TGS1: variants seen among roughly 807,000 people sequenced by gnomAD.
The protein encoded by TGS1 is trimethylguanosine synthase 1, also known as trimethylguanosine synthase.
A neutral mutation model predicts 92.2 loss-of-function variants in TGS1; 69 were observed. The observed-to-expected ratio is 0.75, with a 90% CI of 0.62 to 0.91. The LOEUF (loss-of-function observed/expected upper bound fraction) is 0.91, where lower values mean the gene tolerates loss of function less well. Ranked by LOEUF, TGS1 falls within the 40% of genes least tolerant of loss-of-function variation. TGS1 has a pLI of 0.00. For synonymous variants in TGS1, 345 were observed against 338.1 expected (o/e 1.02, Z -0.22); for missense variants, 1,062 against 1,001.2 (o/e 1.06, Z -0.82).
intron 12 of TGS1, among the ~76,000 whole-genome samples, chr8:55,821,762 A>C (rs2130261490): frequency 6.6e-6 from 1 of 151,822 alleles, no homozygotes; most frequent in South Asian, 2.1e-4. Flanking sequence ...AGTCCCAGCT[A>C]CTCGGGAGGC....
At chr8:55,773,879 G>C (rs962436335) in intron 1 of TGS1, among the ~76,000 whole-genome samples, 160 bp downstream of exon 1, 2 of 152,228 alleles carry the variant, frequency 1.3e-5, no homozygotes, top group African/African-American at 4.8e-5. Context: ...ACATGACGGA[G>C]TGGTCGCCCA....
intron 12 of TGS1, among the ~76,000 whole-genome samples, chr8:55,820,812 C>CT (rs1469777800): frequency 1.4e-4 from 22 of 152,278 alleles, no homozygotes; most frequent in Middle Eastern, 6.8e-3. Context: ...AGCTGCTAAT[C>CT]TTTATCTGTT....
intron 1 of TGS1, among the ~76,000 whole-genome samples, chr8:55,781,169 A>G (rs1214890936): frequency 6.6e-6 from 1 of 152,182 alleles, no homozygotes; most frequent in Non-Finnish European, 1.5e-5. Flanking sequence ...GTGTCTGTGT[A>G]TATATACACA....
Position 55,786,796 on chromosome 8 carries a change from A to G in TGS1, c.898A>G (p.Ile300Val), listed in dbSNP as rs1269399813. ...VDLVSFPSSP[I>V]MVDNDSSGTS... ...CTTAGTATCTTTTCCATCTTCACCTATTATGGTTGATAATGATAGCTCTGG... is the reference window on the plus strand; with the variant it reads ...CTTAGTATCTTTTCCATCTTCACCTGTTATGGTTGATAATGATAGCTCTGG... The change falls in exon 4 of 13, where the codon ATT (isoleucine) becomes GTT (valine). Residue 300 changes from isoleucine to valine, a missense_variant. By Grantham distance (29) the Ile-to-Val change is conservative. Coordinates refer to ENST00000260129, the MANE Select transcript of TGS1 (RefSeq NM_024831.8). 5 of 1,614,038 alleles carry G rather than the reference A, an allele frequency of 3.1e-6. No homozygotes were observed. The highest frequency in any genetic ancestry group is 2.7e-5 in the African/African-American group (2 of 74,942).
intron 2 of TGS1, among the ~76,000 whole-genome samples, chr8:55,783,634 C>G (rs1466206060): frequency 6.6e-6 from 1 of 152,204 alleles, no homozygotes; most frequent in East Asian, 1.9e-4. Flanking sequence ...ATGTCTCAAA[C>G]TTCCCTACTG....
rs116762751 is a variant in TGS1, at chr8:55,790,048, G to A, written c.1163-134G>A. On this transcript the variant is annotated intron_variant, in intron 4 of 12. Transcript: ENST00000260129. ...TGCATGTAGACACAAACAGGTAGAT[G>A]TGAGCTGGCACTTTGATGCACATGT... The A allele has an allele frequency of 3.6e-4, 238 of 654,594 alleles. No individual in the cohort carries two copies. In the African/African-American group the frequency reaches 4.0e-3, roughly 11 times the overall value. 40.5% of individuals were successfully genotyped at this position (654,594 alleles called of 1,614,324 possible).
At chr8:55,802,306 G>A (rs1037569104) in intron 8 of TGS1, 151 bp from the exon 9 acceptor site, 93 of 600,714 alleles carry the variant, frequency 1.5e-4, no homozygotes, top group Non-Finnish European at 2.5e-4. Flanking sequence ...AGCCAGTGGC[G>A]TTTCCATCAG....
intron 12 of TGS1, among the ~76,000 whole-genome samples, chr8:55,818,017 G>A (rs1803531611): frequency 6.6e-6 from 1 of 152,200 alleles, no homozygotes; most frequent in Admixed American, 6.5e-5. Flanking sequence ...TGAAGGCTAT[G>A]GAGGTATGGT....
chr8:55,811,128 AAAC>A (rs778099711), intron 11 of TGS1, 31 bp downstream of exon 11: 1 of 1,525,350 alleles, frequency 6.6e-7, no homozygotes, highest in Non-Finnish European at 9.0e-7. Flanking sequence ...GAGTTTACTG[AAAC>A]AATGATTGTG....
intron 1 of TGS1, among the ~76,000 whole-genome samples, chr8:55,776,223 T>C (rs1811392953): frequency 6.6e-6 from 1 of 150,914 alleles, no homozygotes; most frequent in South Asian, 2.1e-4. Context: ...GACTGGGGGC[T>C]GCGTACACCA....
intron 9 of TGS1, among the ~76,000 whole-genome samples, chr8:55,803,442 A>C (rs377576275): frequency 6.6e-6 from 1 of 152,162 alleles, no homozygotes; most frequent in African/African-American, 2.4e-5. Flanking sequence ...TTGATCTATG[A>C]TGGAATTTCA....
At position 55,796,198 on chromosome 8, in the gene TGS1, G is replaced by T. The variant is rs199700942; in HGVS notation, c.1542+46G>T. 9.9e-5 allele frequency: 142 copies of T among 1,436,514 alleles called. 1 individual carries two copies. The Middle Eastern group carries it at 1.2e-3, about 12-fold the overall frequency. The allele number at this position is 1,436,514 out of a possible 1,614,324, so 89.0% of individuals were successfully genotyped here. On this transcript the variant is annotated intron_variant, in intron 7 of 12. Coordinates refer to ENST00000260129, the MANE Select transcript of TGS1 (RefSeq NM_024831.8). The stretch of plus-strand genomic sequence containing the variant: ...ATATTTGTAGATAGAATCATGTTTT[G>T]TAAGTTTGACCTCTTAAAATTGTTG...
intron 12 of TGS1, among the ~76,000 whole-genome samples, chr8:55,818,323 C>T (rs993767449): frequency 1.4e-4 from 21 of 152,152 alleles, no homozygotes; most frequent in African/African-American, 5.1e-4. Flanking sequence ...AGGTGTGCAC[C>T]ACCACACCCA....
chr8:55,804,082 C>T (rs1812295127), intron 9 of TGS1, among the ~76,000 whole-genome samples: 1 of 152,170 alleles, frequency 6.6e-6, no homozygotes, highest in Admixed American at 6.5e-5. Flanking sequence ...TGCTATTCCT[C>T]CTGTACTTCT....
intron 2 of TGS1, among the ~76,000 whole-genome samples, chr8:55,784,257 T>C (rs1295217520): frequency 1.3e-5 from 2 of 152,226 alleles, no homozygotes; most frequent in African/African-American, 2.4e-5. Flanking sequence ...ATAACCATAT[T>C]GGTGTAAAGT....
chr8:55,779,370 C>T (rs1168332833), intron 1 of TGS1, among the ~76,000 whole-genome samples: 1 of 152,172 alleles, frequency 6.6e-6, no homozygotes, highest in Non-Finnish European at 1.5e-5. Context: ...TTGGAACATA[C>T]GGTAATAACC....
intron 1 of TGS1, 38 bp from the exon 2 acceptor site, chr8:55,782,710 A>T: frequency 6.6e-7 from 1 of 1,506,450 alleles, no homozygotes; most frequent in Non-Finnish European, 9.0e-7. Flanking sequence ...CTGATGGCTT[A>T]ATTCATTTCA....
rs779523037 is a variant in TGS1, at chr8:55,799,007, A to C, written c.1636A>C (p.Ser546Arg). The change falls in exon 8 of 13, where the codon AGT becomes CGT. Residue 546 changes from serine (S) to arginine (R), a missense_variant. Coordinates refer to ENST00000260129, the MANE Select transcript of TGS1 (RefSeq NM_024831.8). ...SHDNVHDAST[S>R]SDSEEQDMSV... ...TGACAATGTGCACGACGCTTCCACA[A>C]GTAGTGATTCAGAGGAACAAGACAT... The C allele has an allele frequency of 6.2e-7, 1 of 1,614,108 alleles. No homozygotes were observed. Among genetic ancestry groups the C allele is most frequent in the Non-Finnish European group, 8.5e-7 (1 of 1,180,046 alleles).
chr8:55,788,072 A>G (rs1435027812), intron 4 of TGS1, among the ~76,000 whole-genome samples: 2 of 152,242 alleles, frequency 1.3e-5, no homozygotes, highest in African/African-American at 4.8e-5. Flanking sequence ...GAGGGGACAA[A>G]CATCCAAACC....
Sources: gnomAD v4.1 joint callset for allele counts (sites outside exome capture counted in the v4.1 genomes callset) on GRCh38, gnomAD v4.1.1 for gene constraint, MANE v1.5 for transcripts, NCBI Gene and HGNC (gene_info 2026-07-23, HGNC 2026-07-21) for gene names.